Variants in LARGE1 observed in about 807,000 individuals in gnomAD.
LARGE1 encodes LARGE xylosyl- and glucuronyltransferase 1.
Under a neutral mutation model 87.6 loss-of-function variants are expected in LARGE1, and 43 were observed. The observed-to-expected ratio is 0.49, with a 90% CI of 0.38 to 0.63. The LOEUF is 0.63. Among genes scored for constraint, LARGE1 ranks in the 30% least tolerant of loss-of-function variants. The pLI is 0.00. For missense variants in LARGE1, 802 were observed against 1,000.2 expected (o/e 0.80, Z 2.67); for synonymous variants, 434 against 394.6 (o/e 1.10, Z -1.18).
intron 11 of LARGE1, among the ~76,000 whole-genome samples, chr22:33,208,509 G>A (rs1924796106): frequency 6.6e-6 from 1 of 152,100 alleles, no homozygotes; most frequent in Non-Finnish European, 1.5e-5. Context: ...GGAGGTCTAT[G>A]AGCATCCTTC....
the LARGE1 span, among the ~76,000 whole-genome samples, chr22:33,103,432 CAAAAAAAAAAAAAAA>C: frequency 5.9e-5 from 2 of 33,802 alleles, no homozygotes; most frequent in Non-Finnish European, 4.5e-5. Flanking sequence ...GACTCTGTCT[CAAAAAAAAAAAAAAA>C]AAAAAAAAAA....
chr22:33,822,334 T>C (rs1007989557), intron 1 of LARGE1, among the ~76,000 whole-genome samples: 2 of 152,212 alleles, frequency 1.3e-5, no homozygotes, highest in Admixed American at 6.5e-5. Flanking sequence ...GCATCTGAAG[T>C]TCCCCTTTCA....
intron 9 of LARGE1, among the ~76,000 whole-genome samples, chr22:33,348,159 C>T (rs958058225): frequency 3.3e-5 from 5 of 152,076 alleles, no homozygotes; most frequent in African/African-American, 1.2e-4. Flanking sequence ...GAAACACAGG[C>T]ACTTTAAATT....
intron 6 of LARGE1, among the ~76,000 whole-genome samples, chr22:33,544,050 G>A (rs1361875091): frequency 1.3e-5 from 2 of 152,210 alleles, no homozygotes; most frequent in Non-Finnish European, 2.9e-5. Context: ...TGGGTGCTGA[G>A]TCTCTCATGA....
chr22:33,603,153 CTCAGAGCCTGAAATATGTGAAAA>C (rs1288855620), intron 5 of LARGE1, among the ~76,000 whole-genome samples: 2 of 152,208 alleles, frequency 1.3e-5, no homozygotes, highest in African/African-American at 4.8e-5. Context: ...CTCCATCAAC[CTCAGAGCCTGAAATATGTGAAAA>C]TCAGAAACTC....
At position 33,865,832 on chromosome 22, in the gene LARGE1, C is replaced by CTTTTTTTTT. The variant is rs3072359; in HGVS notation, c.-83+54154_-83+54162dup. 4.9e-3 allele frequency among the ~76,000 whole-genome samples: 139 copies of CTTTTTTTTT among 28,392 alleles called. 51 individuals carry two copies. The highest frequency in any genetic ancestry group is 6.3e-3 in the African/African-American group (59 of 9,348). 18.6% of individuals were successfully genotyped at this position (28,392 alleles called of 152,430 possible). ...TAAGCATTCAATGTTAGCTGTTATT[C>CTTTTTTTTT]TTTTTTTTTTTTTTTTTTTTTTTTT... is the stretch of plus-strand genomic sequence containing the variant. On this transcript the variant is annotated intron_variant, in intron 1 of 14. Coordinates refer to ENST00000397394, the MANE Select transcript of LARGE1 (RefSeq NM_133642.5).
In LARGE1 at chr22:33,688,339, C is replaced by T. The variant is rs553675265; in HGVS notation, c.107-37671G>A. 3.9e-5 allele frequency among the ~76,000 whole-genome samples: 6 copies of T among 152,202 alleles called. No individual in the cohort carries two copies. In the East Asian group the frequency reaches 1.2e-3, roughly 29 times the overall value. On this transcript the variant is annotated intron_variant, in intron 2 of 14. Coordinates refer to ENST00000397394, the MANE Select transcript of LARGE1 (RefSeq NM_133642.5). ...AGAGTGTCAGAGTCCAAATCCCTTGCAGGTTGCACTGTTTATTTTTTCTTT... is the reference window on the plus strand; with the variant it reads ...AGAGTGTCAGAGTCCAAATCCCTTGTAGGTTGCACTGTTTATTTTTTCTTT...
intron 5 of LARGE1, among the ~76,000 whole-genome samples, chr22:33,601,750 C>G (rs1005274508): frequency 6.6e-6 from 1 of 152,106 alleles, no homozygotes; most frequent in Non-Finnish European, 1.5e-5. Flanking sequence ...GGTTAGAGGA[C>G]AGGACTCTAG....
At chr22:33,884,335 C>G (rs1245957477) in intron 1 of LARGE1, among the ~76,000 whole-genome samples, 1 of 152,182 alleles carries the variant, frequency 6.6e-6, no homozygotes, top group Non-Finnish European at 1.5e-5. Context: ...GTACGTTGAC[C>G]CTCTTTCCTC....
chr22:33,810,333 C>T (rs2086452620), intron 1 of LARGE1, among the ~76,000 whole-genome samples: 1 of 152,130 alleles, frequency 6.6e-6, no homozygotes, highest in Non-Finnish European at 1.5e-5. Flanking sequence ...CTCTTGGTCC[C>T]ACAGTACTCT....
rs527443194 is a variant in LARGE1, at chr22:33,439,767, G to A, written c.788-7502C>T. Among the ~76,000 whole-genome samples the A allele has an allele frequency of 7.9e-5, 12 of 152,236 alleles. No individual in the cohort carries two copies. The East Asian group carries it at 1.9e-3, about 25-fold the overall frequency. On this transcript the variant is annotated intron_variant, in intron 6 of 14. Transcript: ENST00000397394. ...TGTTCCACAATGACTTTCAACGCAA[G>A]CTGACCAAAACTAACTCCACAATCT... is the stretch of plus-strand genomic sequence containing the variant.
chr22:33,127,788 G>T, the LARGE1 span, among the ~76,000 whole-genome samples: 3 of 152,308 alleles, frequency 2.0e-5, no homozygotes, highest in Admixed American at 1.3e-4. Context: ...TGAGAAATCA[G>T]ACCACATATC....
chr22:33,160,404 ACTTAGCTGACTTTGGGGGAGTC>A (rs1921983961), downstream of LARGE1, among the ~76,000 whole-genome samples: 1 of 152,118 alleles, frequency 6.6e-6, no homozygotes, highest in Non-Finnish European at 1.5e-5. Context: ...CTCCTCCATT[ACTTAGCTGACTTTGGGGGAGTC>A]CAACCACTCT....
At chr22:33,843,377 C>A (rs1404255519) in intron 1 of LARGE1, among the ~76,000 whole-genome samples, 1 of 151,390 alleles carries the variant, frequency 6.6e-6, no homozygotes, top group Non-Finnish European at 1.5e-5. Flanking sequence ...ACAGAGTTTG[C>A]AGTGAGACGA....
At chr22:33,098,899 G>A in the LARGE1 span, among the ~76,000 whole-genome samples, 2 of 152,154 alleles carry the variant, frequency 1.3e-5, no homozygotes, top group African/African-American at 4.8e-5. Context: ...TTCCCCATAT[G>A]CTTACCTTCC....
At chr22:33,322,773 T>C (rs909227460) in intron 10 of LARGE1, 1 of 152,100 alleles carries the variant, frequency 6.6e-6, no homozygotes, top group African/African-American at 2.4e-5. Context: ...TGCTGCAGTG[T>C]ATAAAGGGTA....
intron 11 of LARGE1, among the ~76,000 whole-genome samples, chr22:33,222,215 C>G (rs575012816): frequency 6.6e-6 from 1 of 152,166 alleles, no homozygotes; most frequent in Non-Finnish European, 1.5e-5. Context: ...TTGGTGGTCA[C>G]CACTGCGTAG....
intron 2 of LARGE1, among the ~76,000 whole-genome samples, 170 bp downstream of exon 2, chr22:33,761,201 C>A (rs2084717008): frequency 6.6e-6 from 1 of 152,000 alleles, no homozygotes; most frequent in African/African-American, 2.4e-5. Context: ...CCTTTTTCTC[C>A]TCACACTGTT....
chr22:33,309,363 C>T (rs191791935), intron 11 of LARGE1, among the ~76,000 whole-genome samples: 44 of 152,252 alleles, frequency 2.9e-4, no homozygotes, highest in African/African-American at 8.4e-4. Flanking sequence ...GATGGGATTT[C>T]GCCATGTTGG....
Sources: allele counts gnomAD v4.1 joint callset (sites outside exome capture counted in the v4.1 genomes callset), GRCh38; gene constraint gnomAD v4.1.1; transcripts MANE v1.5; gene names NCBI Gene and HGNC (gene_info 2026-07-23, HGNC 2026-07-21).